The following NTRK2 variants were observed in gnomAD, a reference collection of about 807,000 sequenced individuals.
The protein encoded by NTRK2 is neurotrophic receptor tyrosine kinase 2, also known as BDNF/NT-3 growth factors receptor.
In NTRK2, 13 loss-of-function variants were observed where a neutral mutation model predicts 94.5. The ratio of observed to expected loss-of-function variants is 0.14; its 90% confidence interval spans 0.09 to 0.22. NTRK2 has a LOEUF of 0.22. NTRK2 is among the 10% of genes least tolerant of loss of function. The pLI is 1.00. For synonymous variants in NTRK2, 372 were observed against 407.4 expected (o/e 0.91, Z 1.05); for missense variants, 639 against 1,071.2 (o/e 0.60, Z 5.63).
intron 12 of NTRK2, chr9:84,813,980 C>T (rs202002331): frequency 2.1e-5 from 22 of 1,064,918 alleles, no homozygotes; most frequent in South Asian, 4.6e-5. Context: ...GACTCTGTGA[C>T]GACAAAAGTA....
chr9:84,925,263 T>C (rs1295991615), intron 14 of NTRK2, among the ~76,000 whole-genome samples: 1 of 149,986 alleles, frequency 6.7e-6, no homozygotes, highest in Non-Finnish European at 1.5e-5. Flanking sequence ...AACTTACAAA[T>C]ACTCTCAAAC....
At chr9:84,769,052 A>G (rs1319094095) in intron 12 of NTRK2, among the ~76,000 whole-genome samples, 1 of 152,266 alleles carries the variant, frequency 6.6e-6, no homozygotes, top group East Asian at 1.9e-4. Flanking sequence ...AGTCAGGCCT[A>G]CTTGAGAAAG....
intron 14 of NTRK2, among the ~76,000 whole-genome samples, chr9:84,868,961 G>C (rs1414495523): frequency 6.6e-6 from 1 of 152,168 alleles, no homozygotes; most frequent in Admixed American, 6.6e-5. Flanking sequence ...TCAAAAAGTT[G>C]CTTTCCTTTG....
intron 10 of NTRK2, among the ~76,000 whole-genome samples, chr9:84,744,233 A>C (rs770284741): frequency 6.6e-6 from 1 of 152,240 alleles, no homozygotes; most frequent in African/African-American, 2.4e-5. Context: ...TGACCCATGT[A>C]GACTAAAATT....
chr9:84,853,203 C>T (rs1304749487), intron 12 of NTRK2, among the ~76,000 whole-genome samples: 1 of 152,110 alleles, frequency 6.6e-6, no homozygotes, highest in South Asian at 2.1e-4. Flanking sequence ...TCATATATGC[C>T]TAATGTTTAG....
In NTRK2 at chr9:85,025,212, C is replaced by T. The variant is rs573337379; in HGVS notation, c.*3775C>T. ...AAACAACTGAATAAAAGCCATCCCACTACATTGAGTGCTTTCTCTGGCTCC... is the reference window on the plus strand; with the variant it reads ...AAACAACTGAATAAAAGCCATCCCATTACATTGAGTGCTTTCTCTGGCTCC... On this transcript the variant is annotated 3_prime_UTR_variant, in exon 19 of 19. Coordinates refer to ENST00000277120, the MANE Select transcript of NTRK2 (RefSeq NM_006180.6). The T allele has an allele frequency of 1.7e-5, 4 of 233,192 alleles. No individual in the cohort carries two copies. In the South Asian group the frequency reaches 5.4e-4, roughly 32 times the overall value. 14.4% of individuals were successfully genotyped at this position (233,192 alleles called of 1,614,324 possible).
At chr9:84,907,618 C>T (rs2077110863) in intron 14 of NTRK2, among the ~76,000 whole-genome samples, 1 of 151,594 alleles carries the variant, frequency 6.6e-6, no homozygotes, top group Non-Finnish European at 1.5e-5. Flanking sequence ...CAACAAATAC[C>T]TGGGAATTAA....
rs1454219088 is a variant in NTRK2 at position 84,797,586 on chromosome 9, C to CTATATATAATATATAT, written c.1396+45509_1396+45510insATATATATTATATATA. Among the ~76,000 whole-genome samples the CTATATATAATATATAT allele has an allele frequency of 3.9e-5, 2 of 51,496 alleles. 1 individual carries two copies. Among genetic ancestry groups the CTATATATAATATATAT allele is most frequent in the African/African-American group, 1.9e-4 (2 of 10,802 alleles). The allele number at this position is 51,496 out of a possible 152,430, so 33.8% of individuals were successfully genotyped here. On this transcript the variant is annotated intron_variant, in intron 12 of 18. Transcript: ENST00000277120. ...CTATATATTATATATATTATATATA[C>CTATATATAATATATAT]TATATATACTATATATTATATATAA...
intron 6 of NTRK2, among the ~76,000 whole-genome samples, chr9:84,712,120 G>A (rs933268858): frequency 3.9e-5 from 6 of 152,078 alleles, no homozygotes; most frequent in African/African-American, 1.4e-4. Context: ...GGCCACATTG[G>A]TTCAGCAACC....
intron 6 of NTRK2, among the ~76,000 whole-genome samples, chr9:84,712,912 T>C (rs1472479023): frequency 6.6e-6 from 1 of 152,216 alleles, no homozygotes; most frequent in East Asian, 1.9e-4. Flanking sequence ...TTTTCAATAC[T>C]GCAAAAATGT....
intron 12 of NTRK2, among the ~76,000 whole-genome samples, chr9:84,756,432 C>T (rs2065091713): frequency 6.6e-6 from 1 of 152,160 alleles, no homozygotes; most frequent in Non-Finnish European, 1.5e-5. Context: ...CATTGGGAGC[C>T]CTGCCTGTGG....
At position 84,724,306 on chromosome 9, in the gene NTRK2, C is replaced by T. The variant is rs997635600; in HGVS notation, c.803C>T (p.Ala268Val). The change falls in exon 8 of 19, where the codon GCG (alanine) becomes GTG (valine). Residue 268 changes from alanine (A) to valine (V), a missense_variant. Physicochemically the swap from Ala to Val is moderately conservative, Grantham distance 64. Around this residue, in one of 5 missense-constraint regions of NTRK2, gnomAD observed 343 missense variants for 571.5 expected, o/e 0.60. Transcript: ENST00000277120. ...DDSGKQISCV[A>V]ENLVGEDQDS... ...AGTGGGAAGCAGATCTCTTGTGTGG[C>T]GGAAAATCTTGTAGGAGAAGATCAA... is the stretch of plus-strand genomic sequence containing the variant. 11 of 1,613,938 alleles carry T rather than the reference C, an allele frequency of 6.8e-6. No individual in the cohort carries two copies. Among genetic ancestry groups the T allele is most frequent in the Admixed American group, 1.7e-5 (1 of 59,990 alleles).
intron 9 of NTRK2, among the ~76,000 whole-genome samples, chr9:84,733,114 T>G (rs2063005681): frequency 6.6e-6 from 1 of 152,196 alleles, no homozygotes; most frequent in Non-Finnish European, 1.5e-5. Flanking sequence ...GGTCAGGCCT[T>G]GTCCTCTGAG....
chr9:84,774,583 G>T (rs2066855317), intron 12 of NTRK2, among the ~76,000 whole-genome samples: 1 of 152,142 alleles, frequency 6.6e-6, no homozygotes. Context: ...TGCTGGAGCT[G>T]TCATTCTCAA....
At chr9:84,815,905 T>C (rs942258847) in intron 12 of NTRK2, among the ~76,000 whole-genome samples, 3 of 151,978 alleles carry the variant, frequency 2.0e-5, no homozygotes, top group Non-Finnish European at 4.4e-5. Context: ...AAAGGTCTTT[T>C]AAAATTCCTG....
At chr9:84,919,043 T>C (rs1184162981) in intron 14 of NTRK2, among the ~76,000 whole-genome samples, 1 of 152,178 alleles carries the variant, frequency 6.6e-6, no homozygotes, top group Non-Finnish European at 1.5e-5. Context: ...TGGTCCCCTA[T>C]CTACACATAC....
chr9:84,768,103 C>T (rs746677343), intron 12 of NTRK2, among the ~76,000 whole-genome samples: 1 of 152,186 alleles, frequency 6.6e-6, no homozygotes, highest in Non-Finnish European at 1.5e-5. Context: ...GCTTTGACTT[C>T]TCAGTTCCCT....
intron 12 of NTRK2, among the ~76,000 whole-genome samples, chr9:84,833,541 A>G (rs2073695067): frequency 6.6e-6 from 1 of 151,876 alleles, no homozygotes; most frequent in African/African-American, 2.4e-5. Context: ...GATACTAAGA[A>G]AGGAAAGAAA....
At chr9:84,948,973 AAGGAAAC>A (rs1157795892) in intron 16 of NTRK2, among the ~76,000 whole-genome samples, 8 of 152,282 alleles carry the variant, frequency 5.3e-5, no homozygotes, top group African/African-American at 1.9e-4. Flanking sequence ...ATTAAAGGCA[AAGGAAAC>A]AGGAAGAGCT....
Sources: gnomAD v4.1 joint callset for allele counts (sites outside exome capture counted in the v4.1 genomes callset) on GRCh38, gnomAD v4.1.1 for gene constraint, gnomAD v4.1.1 regional missense constraint, MANE v1.5 for transcripts, NCBI Gene and HGNC (gene_info 2026-07-23, HGNC 2026-07-21) for gene names.